The following RBFOX1 variants were observed in gnomAD, a reference collection of about 807,000 sequenced individuals.
RBFOX1 encodes RNA binding protein fox-1 homolog 1.
In RBFOX1, 8 loss-of-function variants were observed where a neutral mutation model predicts 57.7. That is an observed-to-expected ratio of 0.14 (90% CI 0.08 to 0.25). The LOEUF (loss-of-function observed/expected upper bound fraction) is 0.25, where lower values mean the gene tolerates loss of function less well. RBFOX1 is among the 10% of genes least tolerant of loss of function. The pLI is 1.00. For missense variants in RBFOX1, 611 were observed against 548.5 expected (o/e 1.11, Z -1.14); for synonymous variants, 326 against 222.4 (o/e 1.47, Z -4.15).
At chr16:6,300,774 A>G (rs965689253) in intron 1 of RBFOX1, among the ~76,000 whole-genome samples, 1 of 152,128 alleles carries the variant, frequency 6.6e-6, no homozygotes, top group East Asian at 1.9e-4. Flanking sequence ...CACTTTTACC[A>G]AGTCCATTTA....
At chr16:7,616,948 T>C (rs527669009) in intron 10 of RBFOX1, among the ~76,000 whole-genome samples, 2 of 151,380 alleles carry the variant, frequency 1.3e-5, no homozygotes, top group East Asian at 3.9e-4. Flanking sequence ...AGGTTTGAGA[T>C]AGCCCAGGCC....
At chr16:5,923,445 G>T (rs1446192541) in intron 4 of RBFOX1, among the ~76,000 whole-genome samples, 1 of 151,870 alleles carries the variant, frequency 6.6e-6, no homozygotes, top group African/African-American at 2.4e-5. Context: ...GGGGCACATG[G>T]GATTGGAGCA....
chr16:6,577,506 G>T (rs1299409272), intron 2 of RBFOX1: 1 of 152,160 alleles, frequency 6.6e-6, no homozygotes, highest in African/African-American at 2.4e-5. Flanking sequence ...GTGACAAATA[G>T]CTCTGAAATC....
chr16:5,984,808 T>A (rs768126105), intron 4 of RBFOX1, among the ~76,000 whole-genome samples: 2 of 151,846 alleles, frequency 1.3e-5, no homozygotes, highest in African/African-American at 4.8e-5. Context: ...TACAAACTTA[T>A]ATGGCGTTTT....
intron 4 of RBFOX1, among the ~76,000 whole-genome samples, chr16:7,312,260 A>G (rs920199734): frequency 3.3e-5 from 5 of 152,126 alleles, no homozygotes; most frequent in African/African-American, 1.2e-4. Context: ...CACACTTGTA[A>G]TCCCAGCTAC....
chr16:7,564,548 AAAAAAAAAAAAAAAAAAAAAG>A (rs2091234876), intron 5 of RBFOX1, among the ~76,000 whole-genome samples: 2 of 76,292 alleles, frequency 2.6e-5, no homozygotes, highest in African/African-American at 6.0e-5. Flanking sequence ...CTCAAAAAAA[AAAAAAAAAAAAAAAAAAAAAG>A]GCACTCATCT....
At chr16:6,990,051 C>T (rs2091157524) in intron 3 of RBFOX1, among the ~76,000 whole-genome samples, 1 of 152,112 alleles carries the variant, frequency 6.6e-6, no homozygotes, top group Non-Finnish European at 1.5e-5. Context: ...TATGATTTAG[C>T]TCCCCTGTAC....
chr16:6,209,260 C>T lies in RBFOX1; in HGVS notation c.-126-107735C>T, dbSNP rs1037214983. 1.1e-4 allele frequency among the ~76,000 whole-genome samples: 16 copies of T among 152,128 alleles called. 1 individual carries two copies. The highest frequency in any genetic ancestry group is 9.2e-4 in the Admixed American group (14 of 15,272). ...GCAAAACACCAGGGAAGAGGGGCCACGTTTTGTGGAATTAACCTAACTTTT... is the reference window on the plus strand; with the variant it reads ...GCAAAACACCAGGGAAGAGGGGCCATGTTTTGTGGAATTAACCTAACTTTT... On this transcript the variant is annotated intron_variant, in intron 1 of 15. Transcript: ENST00000550418.
At chr16:5,772,362 C>G (rs572992124) in intron 3 of RBFOX1, among the ~76,000 whole-genome samples, 68 of 151,838 alleles carry the variant, frequency 4.5e-4, no homozygotes, top group African/African-American at 1.4e-3. Flanking sequence ...TTCACACACC[C>G]AAATTCCTGA....
intron 3 of RBFOX1, among the ~76,000 whole-genome samples, chr16:5,792,135 C>A (rs372209156): frequency 2.6e-5 from 4 of 152,102 alleles, no homozygotes; most frequent in African/African-American, 9.7e-5. Flanking sequence ...TTTTAAAGCC[C>A]GGGACCCCAG....
intron 4 of RBFOX1, among the ~76,000 whole-genome samples, chr16:5,896,993 C>G (rs1266824294): frequency 6.8e-6 from 1 of 148,136 alleles, no homozygotes; most frequent in Non-Finnish European, 1.5e-5. Context: ...CTCTCCACCC[C>G]CCACTAAAAA....
At chr16:6,835,595 T>TA (rs564126622) in intron 3 of RBFOX1, among the ~76,000 whole-genome samples, 357 of 150,310 alleles carry the variant, frequency 2.4e-3, no homozygotes, top group African/African-American at 6.5e-3. Context: ...CTACCAAAAA[T>TA]AAAAAAAAGT....
In RBFOX1 at chr16:5,668,884, G is replaced by A. The variant is rs148462215; in HGVS notation, c.318+69923G>A. Reference sequence around the variant, plus strand: ...TTCAGCATTAGATTCTCCCTAGCTTGCTTATCTCAGTTCACAGTTTTGGAG... The same window carrying A: ...TTCAGCATTAGATTCTCCCTAGCTTACTTATCTCAGTTCACAGTTTTGGAG... On this transcript the variant is annotated intron_variant, in intron 3 of 19. Transcript: ENST00000641259. Among the ~76,000 whole-genome samples, 3 of 152,226 alleles carry A rather than the reference G, an allele frequency of 2.0e-5. No individual in the cohort carries two copies. The East Asian group carries it at 5.8e-4, about 29-fold the overall frequency.
At chr16:6,075,597 A>G (rs1201514471) in intron 1 of RBFOX1, among the ~76,000 whole-genome samples, 1 of 152,232 alleles carries the variant, frequency 6.6e-6, no homozygotes, top group Non-Finnish European at 1.5e-5. Context: ...CTTGTTACAC[A>G]TACACACACA....
At chr16:7,441,999 G>T (rs771892317) in intron 4 of RBFOX1, among the ~76,000 whole-genome samples, 4 of 152,208 alleles carry the variant, frequency 2.6e-5, no homozygotes, top group Non-Finnish European at 4.4e-5. Context: ...GTAGCTCTTT[G>T]TCAGCACAAA....
chr16:6,942,533 G>A (rs1454626814), intron 3 of RBFOX1, among the ~76,000 whole-genome samples: 3 of 152,120 alleles, frequency 2.0e-5, no homozygotes, highest in African/African-American at 4.8e-5. Context: ...CTATCAGTTA[G>A]AGCATTTTCC....
At chr16:5,588,094 A>G (rs2046891881) in intron 2 of RBFOX1, among the ~76,000 whole-genome samples, 1 of 152,180 alleles carries the variant, frequency 6.6e-6, no homozygotes. Context: ...TGCTGAGAGA[A>G]AGAAGCCAGG....
intron 3 of RBFOX1, among the ~76,000 whole-genome samples, chr16:6,727,448 G>A (rs749909596): frequency 1.1e-4 from 16 of 150,156 alleles, no homozygotes; most frequent in Admixed American, 2.0e-4. Context: ...ATATTCCCCC[G>A]CTGCTTCCAC....
At chr16:7,350,184 G>A (rs2097102242) in intron 4 of RBFOX1, among the ~76,000 whole-genome samples, 1 of 152,144 alleles carries the variant, frequency 6.6e-6, no homozygotes, top group African/African-American at 2.4e-5. Context: ...GGTAGTGACT[G>A]AAAGGGTTAT....
Sources: gnomAD v4.1 joint callset for allele counts (sites outside exome capture counted in the v4.1 genomes callset) on GRCh38, gnomAD v4.1.1 for gene constraint, MANE v1.5 for transcripts, NCBI Gene and HGNC (gene_info 2026-07-23, HGNC 2026-07-21) for gene names.